Variants in PRKN observed in about 807,000 individuals in gnomAD.
The protein encoded by PRKN is E3 ubiquitin-protein ligase parkin.
Under a neutral mutation model 59.5 loss-of-function variants are expected in PRKN, and 56 were observed. The ratio of observed to expected loss-of-function variants is 0.94; its 90% confidence interval spans 0.76 to 1.18. The LOEUF is 1.18. PRKN is among the 50% of genes most tolerant of loss of function. The pLI is 0.00. For synonymous variants in PRKN, 250 were observed against 222.1 expected (o/e 1.13, Z -1.12); for missense variants, 657 against 596.4 (o/e 1.10, Z -1.06).
In PRKN at chr6:162,262,510, G is replaced by C. The variant is rs1008170274; in HGVS notation, c.412+15C>G. 6 of 1,613,490 alleles carry C rather than the reference G, an allele frequency of 3.7e-6. No individual in the cohort carries two copies. The highest frequency in any genetic ancestry group is 5.1e-6 in the Non-Finnish European group (6 of 1,179,702). ...CAAACAAAATGCTTTAATAATCTTA[G>C]AGCATTCCAATTACCTGGACTTCCA... On this transcript the variant is annotated intron_variant, in intron 3 of 11. Transcript: ENST00000366898.
intron 2 of PRKN, among the ~76,000 whole-genome samples, chr6:162,414,709 TCAA>T (rs1788532567): frequency 2.2e-5 from 1 of 44,544 alleles, no homozygotes; most frequent in Non-Finnish European, 3.7e-5. Context: ...AGACTCCGTC[TCAA>T]AAAAAAAAAA....
At chr6:161,675,000 T>C (rs1245971935) in intron 7 of PRKN, among the ~76,000 whole-genome samples, 2 of 152,174 alleles carry the variant, frequency 1.3e-5, no homozygotes, top group Non-Finnish European at 2.9e-5. Context: ...ACACCTCCAG[T>C]GACTTTTGCC....
chr6:161,950,266 C>T (rs1432958489), intron 6 of PRKN, among the ~76,000 whole-genome samples: 8 of 152,108 alleles, frequency 5.3e-5, no homozygotes, highest in African/African-American at 1.2e-4. Context: ...TATCTTTGGC[C>T]GGGTGTGGTG....
rs760555216 is a variant in PRKN, at chr6:162,262,728, A to C, written c.209T>G (p.Val70Gly). Residue 70 changes from valine to glycine, a missense_variant, in exon 3 of 12, where the codon GTG becomes GGG. Val to Gly is a moderately radical substitution (Grantham distance 109). Coordinates refer to ENST00000366898, the MANE Select transcript of PRKN (RefSeq NM_004562.3). ...DLDQQSIVHI[V>G]QRPWRKGQEM... ...TTGACCTTTTCTCCACGGTCTCTGC[A>C]CAATGTGAACAATGCTCTGCTGATC... The C allele has an allele frequency of 6.2e-7, 1 of 1,611,502 alleles. No individual in the cohort carries two copies. The highest frequency in any genetic ancestry group is 1.1e-5 in the South Asian group (1 of 91,024).
At chr6:161,863,326 A>G (rs59914664) in intron 6 of PRKN, among the ~76,000 whole-genome samples, 1 of 69,344 alleles carries the variant, frequency 1.4e-5, no homozygotes, top group Non-Finnish European at 4.2e-5. Context: ...TGGATTTATT[A>G]AAAAAAAAAA....
chr6:162,303,911 G>A (rs1782085891), intron 2 of PRKN, among the ~76,000 whole-genome samples: 1 of 152,058 alleles, frequency 6.6e-6, no homozygotes, highest in Non-Finnish European at 1.5e-5. Flanking sequence ...GGAATGAGGA[G>A]GGAGGCAGCC....
At position 161,371,890 on chromosome 6, in the gene PRKN, C is replaced by T. The variant is rs1332173624; in HGVS notation, c.1168-11685G>A. Among the ~76,000 whole-genome samples the T allele has an allele frequency of 2.0e-5, 3 of 152,170 alleles. No homozygotes were observed. Among genetic ancestry groups the T allele is most frequent in the African/African-American group, 4.8e-5 (2 of 41,442 alleles). On this transcript the variant is annotated intron_variant, in intron 10 of 11. Transcript: ENST00000366898. This position sits in a 1 kb window ranked among gnomAD's most constrained non-coding sequence, Gnocchi z 5.5. Reference sequence around the variant, plus strand: ...TTGACCTCAGGTGATCTGCCTGCCTCGGCCTCCCAAAGTGCTGGGATTACA... The same window carrying T: ...TTGACCTCAGGTGATCTGCCTGCCTTGGCCTCCCAAAGTGCTGGGATTACA...
At chr6:162,616,286 G>C (rs1371259671) in intron 1 of PRKN, among the ~76,000 whole-genome samples, 1 of 152,056 alleles carries the variant, frequency 6.6e-6, no homozygotes, top group East Asian at 1.9e-4. Context: ...CTGGGGACAA[G>C]GGAGCTTGCC....
intron 6 of PRKN, among the ~76,000 whole-genome samples, chr6:161,968,599 T>G (rs1394032132): frequency 1.3e-5 from 2 of 152,202 alleles, no homozygotes; most frequent in African/African-American, 4.8e-5. Flanking sequence ...ATTAATACTA[T>G]CCTCCGATTT....
At chr6:162,399,834 C>G (rs542107877) in intron 2 of PRKN, among the ~76,000 whole-genome samples, 1 of 152,016 alleles carries the variant, frequency 6.6e-6, no homozygotes, top group African/African-American at 2.4e-5. Flanking sequence ...TACAAACTCA[C>G]TGCAAAAAGC....
At chr6:162,481,281 C>T (rs1244952128) in intron 1 of PRKN, among the ~76,000 whole-genome samples, 1 of 152,086 alleles carries the variant, frequency 6.6e-6, no homozygotes. Flanking sequence ...ATAACGAGAC[C>T]ACAAATTCTT....
At chr6:162,184,179 T>C (rs1783922638) in intron 4 of PRKN, among the ~76,000 whole-genome samples, 2 of 152,252 alleles carry the variant, frequency 1.3e-5, no homozygotes, top group Admixed American at 6.5e-5. Context: ...CAGGATCTTG[T>C]ACTTTATTTG....
At chr6:162,614,042 G>T (rs948885949) in intron 1 of PRKN, among the ~76,000 whole-genome samples, 2 of 152,108 alleles carry the variant, frequency 1.3e-5, no homozygotes, top group African/African-American at 4.8e-5. Flanking sequence ...AATTATTTAA[G>T]AATTCTGATT....
intron 4 of PRKN, among the ~76,000 whole-genome samples, chr6:162,104,836 TA>T (rs1284544648): frequency 1.3e-5 from 2 of 152,100 alleles, no homozygotes; most frequent in African/African-American, 2.4e-5. Context: ...AATTAAGAAG[TA>T]AAATAATTCT....
At chr6:161,717,404 C>T (rs1320606617) in intron 7 of PRKN, among the ~76,000 whole-genome samples, 1 of 152,102 alleles carries the variant, frequency 6.6e-6, no homozygotes, top group African/African-American at 2.4e-5. Flanking sequence ...GATAACTTTA[C>T]ACCATAATAA....
chr6:161,522,763 A>G (rs1362987591), intron 9 of PRKN, among the ~76,000 whole-genome samples: 3 of 152,238 alleles, frequency 2.0e-5, no homozygotes, highest in Non-Finnish European at 4.4e-5. Context: ...GTTTCAATTC[A>G]TGTGTCTTTC....
At chr6:162,205,534 G>GT (rs745899808) in intron 3 of PRKN, among the ~76,000 whole-genome samples, 7 of 152,052 alleles carry the variant, frequency 4.6e-5, no homozygotes, top group Non-Finnish European at 1.0e-4. Context: ...TGGGGAGAGA[G>GT]TAAGATTTAA....
At chr6:161,905,405 G>A (rs1428369197) in intron 6 of PRKN, among the ~76,000 whole-genome samples, 2 of 152,166 alleles carry the variant, frequency 1.3e-5, no homozygotes, top group Non-Finnish European at 2.9e-5. Flanking sequence ...TTTGCTGTAT[G>A]TCTATGGACA....
chr6:162,695,990 C>A (rs1428563818), intron 1 of PRKN, among the ~76,000 whole-genome samples: 2 of 152,072 alleles, frequency 1.3e-5, no homozygotes, highest in African/African-American at 2.4e-5. Flanking sequence ...GGAACGCACA[C>A]AATGTACAGC....
Sources: gnomAD v4.1 joint callset for allele counts (sites outside exome capture counted in the v4.1 genomes callset) on GRCh38, gnomAD v4.1.1 for gene constraint, Gnocchi (gnomAD v3.1) non-coding constraint, MANE v1.5 for transcripts, NCBI Gene and HGNC (gene_info 2026-07-23, HGNC 2026-07-21) for gene names.